PDS5A: variants seen among roughly 807,000 people sequenced by gnomAD.
PDS5A encodes the protein sister chromatid cohesion protein PDS5 homolog A.
A neutral mutation model predicts 167.1 loss-of-function variants in PDS5A; 42 were observed. That is an observed-to-expected ratio of 0.25 (90% CI 0.20 to 0.33). The LOEUF is 0.33. PDS5A is among the 10% of genes least tolerant of loss of function. The pLI, the probability that PDS5A is intolerant of heterozygous loss-of-function variation, is 1.00. For missense variants in PDS5A, 1,033 were observed against 1,605.9 expected, an observed-to-expected ratio of 0.64 and a Z score of 6.10; for synonymous variants, 553 against 554.6, an observed-to-expected ratio of 1.00 and a Z score of 0.04.
intron 31 of PDS5A, among the ~76,000 whole-genome samples, chr4:39,840,278 T>A (rs1716866856): frequency 6.6e-6 from 1 of 152,056 alleles, no homozygotes; most frequent in African/African-American, 2.4e-5. Context: ...ATTAAGAAAT[T>A]GGGTTGGGCA....
At chr4:39,931,016 G>C (rs939284722) in intron 2 of PDS5A, among the ~76,000 whole-genome samples, 2 of 152,166 alleles carry the variant, frequency 1.3e-5, no homozygotes, top group Admixed American at 6.5e-5. Context: ...TGAAACAAAA[G>C]ATAGAGAAGG....
At chr4:39,871,110 A>C (rs2109568720) in intron 21 of PDS5A, among the ~76,000 whole-genome samples, 1 of 152,332 alleles carries the variant, frequency 6.6e-6, no homozygotes, top group African/African-American at 2.4e-5. Context: ...AGGTAGTCAT[A>C]GAGTCAGAAG....
intron 21 of PDS5A, among the ~76,000 whole-genome samples, chr4:39,870,573 G>C (rs1317588726): frequency 6.7e-6 from 1 of 148,860 alleles, no homozygotes; most frequent in Non-Finnish European, 1.5e-5. Context: ...GGGTGACAGA[G>C]TGAGACCATG....
At chr4:39,865,672 C>T (rs558451810) in intron 23 of PDS5A, among the ~76,000 whole-genome samples, 5 of 152,156 alleles carry the variant, frequency 3.3e-5, no homozygotes, top group Admixed American at 6.5e-5. Context: ...ATTATAGGCA[C>T]GTACCACCAC....
In PDS5A at chr4:39,928,161, C is replaced by T. The variant is rs1328959525; in HGVS notation, c.142G>A (p.Val48Ile). ...TCCATATCCATAAAGGTTTTCACTA[C>T]CATCTGTAAAAATGTACAAAAACAC... ...TDEMIKRLKM[V>I]VKTFMDMDQD... The change falls in exon 3 of 33, where the codon GTA (valine) becomes ATA (isoleucine). Residue 48 changes from valine (V) to isoleucine (I), a missense_variant. Coordinates refer to ENST00000303538, the MANE Select transcript of PDS5A (RefSeq NM_001100399.2). 2 of 1,594,300 alleles carry T rather than the reference C, an allele frequency of 1.3e-6. No homozygotes were observed. The highest frequency in any genetic ancestry group is 1.7e-6 in the Non-Finnish European group (2 of 1,164,392).
intron 2 of PDS5A, among the ~76,000 whole-genome samples, chr4:39,930,904 T>C (rs1430648083): frequency 6.6e-6 from 1 of 152,172 alleles, no homozygotes; most frequent in African/African-American, 2.4e-5. Flanking sequence ...TTAAAGGAAA[T>C]TTATAATCTT....
chr4:39,832,303 C>T (rs1267749642), intron 32 of PDS5A, among the ~76,000 whole-genome samples: 2 of 151,396 alleles, frequency 1.3e-5, no homozygotes, highest in Non-Finnish European at 1.5e-5. Context: ...AAGCTCCGCC[C>T]CCTGGGTTCA....
chr4:39,859,751 C>T (rs1168301832), intron 26 of PDS5A, among the ~76,000 whole-genome samples: 1 of 149,678 alleles, frequency 6.7e-6, no homozygotes, highest in African/African-American at 2.5e-5. Context: ...GAACTCCGAG[C>T]TCTCCACAAG....
At chr4:39,960,532 G>A (rs553290953) in intron 2 of PDS5A, among the ~76,000 whole-genome samples, 1 of 151,838 alleles carries the variant, frequency 6.6e-6, no homozygotes, top group African/African-American at 2.4e-5. Context: ...ACTTTCTATT[G>A]CAACAGTTAT....
chr4:39,856,831 T>A (rs1416424288), intron 26 of PDS5A, among the ~76,000 whole-genome samples: 2 of 150,984 alleles, frequency 1.3e-5, no homozygotes, highest in African/African-American at 2.4e-5. Flanking sequence ...AATACATAAC[T>A]AAATAAATAA....
chr4:39,919,559 G>A (rs1724721063), intron 7 of PDS5A, among the ~76,000 whole-genome samples: 1 of 152,110 alleles, frequency 6.6e-6, no homozygotes, highest in Admixed American at 6.6e-5. Context: ...GCAGCAGAAT[G>A]GCGTCAACCC....
In PDS5A at chr4:39,976,623, G is replaced by A. The variant is rs776572338; in HGVS notation, c.-40-6C>T. ...TCACAGTCCTCTACCGGCCTCTATC[G>A]GTCAGAAAACCAAAGTTCAGCGGGA... On this transcript the variant is annotated splice_region_variant and splice_polypyrimidine_tract_variant and intron_variant, in intron 1 of 32. Coordinates refer to ENST00000303538, the MANE Select transcript of PDS5A (RefSeq NM_001100399.2). The A allele has an allele frequency of 2.0e-6, 3 of 1,525,608 alleles. No individual in the cohort carries two copies. In the Admixed American group the frequency reaches 5.7e-5, roughly 29 times the overall value. 94.5% of individuals were successfully genotyped at this position (1,525,608 alleles called of 1,614,324 possible).
intron 29 of PDS5A, 67 bp from the exon 30 acceptor site, chr4:39,844,868 A>C: frequency 6.9e-7 from 1 of 1,459,330 alleles, no homozygotes; most frequent in Non-Finnish European, 9.2e-7. Flanking sequence ...ATACATGTAA[A>C]TTTAGACACA....
intron 2 of PDS5A, among the ~76,000 whole-genome samples, chr4:39,965,224 A>C (rs563670376): frequency 6.6e-6 from 1 of 152,146 alleles, no homozygotes; most frequent in Non-Finnish European, 1.5e-5. Context: ...TAGCCCAACT[A>C]CTCTGCTAGA....
chr4:39,961,367 C>T (rs183134980), intron 2 of PDS5A, among the ~76,000 whole-genome samples: 58 of 152,072 alleles, frequency 3.8e-4, no homozygotes, highest in African/African-American at 1.3e-3. Flanking sequence ...GGCGCCATCT[C>T]GGCTCACTGT....
chr4:39,971,668 C>T (rs941945616), intron 2 of PDS5A, among the ~76,000 whole-genome samples: 4 of 152,108 alleles, frequency 2.6e-5, no homozygotes, highest in African/African-American at 9.7e-5. Context: ...CCATGTTGGC[C>T]AGGCTGGTCT....
chr4:39,941,004 T>C (rs1351400470), intron 2 of PDS5A, among the ~76,000 whole-genome samples: 2 of 152,226 alleles, frequency 1.3e-5, no homozygotes, highest in African/African-American at 4.8e-5. Context: ...AATGAGTTAA[T>C]GGTAGGTCTA....
In PDS5A at chr4:39,828,888, T is replaced by C. The variant is rs1715558741; in HGVS notation, c.4011-3400A>G. On this transcript the variant is annotated intron_variant, in intron 32 of 32. Coordinates refer to ENST00000303538, the MANE Select transcript of PDS5A (RefSeq NM_001100399.2). Reference sequence around the variant, plus strand: ...TGAAAAATAAAGCAAGTGAAAGGTGTGGAGAATCATGCAAGGAAAAATAAA... The same window carrying C: ...TGAAAAATAAAGCAAGTGAAAGGTGCGGAGAATCATGCAAGGAAAAATAAA... 2.0e-5 allele frequency among the ~76,000 whole-genome samples: 3 copies of C among 152,048 alleles called. No individual in the cohort carries two copies. In the South Asian group the frequency reaches 6.2e-4, roughly 32 times the overall value.
intron 2 of PDS5A, among the ~76,000 whole-genome samples, chr4:39,951,815 G>T (rs1377232762): frequency 2.0e-5 from 3 of 146,846 alleles, no homozygotes; most frequent in African/African-American, 5.0e-5. Context: ...CAGGAGAATC[G>T]CCTGAACCCG....
Sources: gnomAD v4.1 joint callset for allele counts (sites outside exome capture counted in the v4.1 genomes callset) on GRCh38, gnomAD v4.1.1 for gene constraint, MANE v1.5 for transcripts, NCBI Gene and HGNC (gene_info 2026-07-23, HGNC 2026-07-21) for gene names.